Variants in DSCAML1 observed in about 807,000 individuals in gnomAD.
The protein encoded by DSCAML1 is DS cell adhesion molecule like 1, also known as cell adhesion molecule DSCAML1.
A neutral mutation model predicts 200.5 loss-of-function variants in DSCAML1; 38 were observed. The observed-to-expected ratio is 0.19, with a 90% CI of 0.15 to 0.25. The LOEUF is 0.25. Among genes scored for constraint, DSCAML1 ranks in the 10% least tolerant of loss-of-function variants. The pLI is 1.00. For missense variants in DSCAML1, 2,223 were observed against 2,858.8 expected, an observed-to-expected ratio of 0.78 and a Z score of 5.07; for synonymous variants, 1,215 against 1,165.0, an observed-to-expected ratio of 1.04 and a Z score of -0.87.
intron 3 of DSCAML1, among the ~76,000 whole-genome samples, chr11:117,710,620 G>A (rs2053830309): frequency 6.6e-6 from 1 of 152,188 alleles, no homozygotes; most frequent in Non-Finnish European, 1.5e-5. Flanking sequence ...CCGTGACTCA[G>A]TTTCCCCATC....
intron 3 of DSCAML1, among the ~76,000 whole-genome samples, chr11:117,607,799 C>T (rs570031257): frequency 3.3e-4 from 50 of 152,294 alleles, no homozygotes; most frequent in African/African-American, 1.1e-3. Flanking sequence ...CCCAACGCCA[C>T]GGGGATGGAT....
At chr11:117,815,941 G>C (rs977388569) in intron 1 of DSCAML1, among the ~76,000 whole-genome samples, 1 of 151,936 alleles carries the variant, frequency 6.6e-6, no homozygotes, top group Admixed American at 6.5e-5. Flanking sequence ...ACGGGTTGGG[G>C]AGCTGCCACT....
chr11:117,790,120 C>T (rs2055433234), intron 1 of DSCAML1, among the ~76,000 whole-genome samples: 1 of 152,216 alleles, frequency 6.6e-6, no homozygotes, highest in Admixed American at 6.5e-5. Context: ...GGGTGTCCAC[C>T]AGTCTCGACT....
chr11:117,812,371 C>G (rs1025829379), intron 1 of DSCAML1, among the ~76,000 whole-genome samples: 1 of 152,126 alleles, frequency 6.6e-6, no homozygotes, highest in Non-Finnish European at 1.5e-5. Context: ...TTTACCTGTC[C>G]TAAAACCAGA....
chr11:117,613,313 A>T (rs1271762373), intron 3 of DSCAML1, among the ~76,000 whole-genome samples: 1 of 152,098 alleles, frequency 6.6e-6, no homozygotes, highest in Non-Finnish European at 1.5e-5. Context: ...AATAGTAAAG[A>T]CATGGTAGGA....
chr11:117,751,572 G>A (rs574635322), intron 3 of DSCAML1, among the ~76,000 whole-genome samples: 1 of 152,014 alleles, frequency 6.6e-6, no homozygotes, highest in Non-Finnish European at 1.5e-5. Flanking sequence ...GAAGGCACCA[G>A]CTCTTTGGGA....
At chr11:117,731,256 C>T (rs1240076348) in intron 3 of DSCAML1, among the ~76,000 whole-genome samples, 3 of 152,088 alleles carry the variant, frequency 2.0e-5, no homozygotes, top group Admixed American at 1.3e-4. Flanking sequence ...TCTTAGCAAG[C>T]CAAGTGCAAT....
chr11:117,608,073 C>T (rs1591317220), intron 3 of DSCAML1, among the ~76,000 whole-genome samples: 1 of 152,192 alleles, frequency 6.6e-6, no homozygotes, highest in African/African-American at 2.4e-5. Context: ...TGACCCATGA[C>T]ATGTGTCTTG....
Position 117,659,184 on chromosome 11 carries a change from G to A in DSCAML1, c.511+117607C>T, listed in dbSNP as rs180987590. ...AAGGGGCTAGTTTTTGGAAGACGGT[G>A]TTTCTTTTGTGCTTAATTTATTTTC... On this transcript the variant is annotated intron_variant, in intron 3 of 32. Transcript: ENST00000651296. 3.4e-4 allele frequency among the ~76,000 whole-genome samples: 52 copies of A among 152,324 alleles called. No homozygotes were observed. The East Asian group carries it at 9.6e-3, about 28-fold the overall frequency.
At chr11:117,677,288 G>A (rs1004666316) in intron 3 of DSCAML1, among the ~76,000 whole-genome samples, 1 of 152,184 alleles carries the variant, frequency 6.6e-6, no homozygotes, top group South Asian at 2.1e-4. Flanking sequence ...GGGGTCGGGG[G>A]CTGGTTCTGA....
chr11:117,780,280 GAA>G lies in DSCAML1; in HGVS notation c.364+211_364+212del, dbSNP rs1334789799. 7.3e-5 allele frequency among the ~76,000 whole-genome samples: 7 copies of G among 96,466 alleles called. No individual in the cohort carries two copies. In the East Asian group the frequency reaches 1.9e-3, roughly 26 times the overall value. The allele number at this position is 96,466 out of a possible 152,430, so 63.3% of individuals were successfully genotyped here. Reference sequence around the variant, plus strand: ...AGAAAGAAAGAAAGAAAGAAAGAAAGAAAGAAAGAAAGAAAGAAAGAAAGAGA... The same window carrying G: ...AGAAAGAAAGAAAGAAAGAAAGAAAGAGAAAGAAAGAAAGAAAGAAAGAGA... On this transcript the variant is annotated intron_variant, in intron 2 of 32. Coordinates refer to ENST00000651296, the MANE Select transcript of DSCAML1 (RefSeq NM_020693.4). This position sits in a 1 kb window ranked among gnomAD's most constrained non-coding sequence, Gnocchi z 4.8.
At chr11:117,778,513 AT>A (rs1198956035) in intron 2 of DSCAML1, among the ~76,000 whole-genome samples, 1 of 152,184 alleles carries the variant, frequency 6.6e-6, no homozygotes, top group Non-Finnish European at 1.5e-5. Flanking sequence ...CAGTTTCTTC[AT>A]TTATGAAAGG....
At chr11:117,735,771 G>A (rs1388765887) in intron 3 of DSCAML1, among the ~76,000 whole-genome samples, 1 of 152,282 alleles carries the variant, frequency 6.6e-6, no homozygotes, top group African/African-American at 2.4e-5. Context: ...TCACTGTCAC[G>A]ACCAGGAGAC....
intron 17 of DSCAML1, among the ~76,000 whole-genome samples, chr11:117,464,667 C>A (rs929188912): frequency 2.0e-5 from 3 of 152,120 alleles, no homozygotes; most frequent in African/African-American, 7.2e-5. Flanking sequence ...GACAGGTGGA[C>A]AGACAAGTGC....
intron 3 of DSCAML1, among the ~76,000 whole-genome samples, chr11:117,650,045 C>A (rs2052597673): frequency 6.6e-6 from 1 of 152,228 alleles, no homozygotes; most frequent in South Asian, 2.1e-4. Context: ...AGGCCACTAA[C>A]TGGGTTTCAG....
chr11:117,437,279 C>T lies in DSCAML1; in HGVS notation c.4563G>A (p.Gly1521=), dbSNP rs1006626486. 1.9e-6 allele frequency: 3 copies of T among 1,614,274 alleles called. No individual in the cohort carries two copies. Among genetic ancestry groups the T allele is most frequent in the South Asian group, 1.1e-5 (1 of 91,090 alleles). ...TAIVLEYRPK[G]TWAWQGLRAN... is the part of the protein sequence containing the mutation. ...CCCGGAGGCCCTGCCAGGCCCAGGT[C>T]CCCTTGGGCCGGTACTCCAGAACGA... Residue 1521 remains glycine (G), a synonymous_variant, in exon 26 of 33, where the codon GGG becomes GGA. Transcript: ENST00000651296. The surrounding 1 kb of genome is among the most constrained non-coding windows in gnomAD (Gnocchi z 5.3).
At chr11:117,727,518 C>T (rs772863767) in intron 3 of DSCAML1, among the ~76,000 whole-genome samples, 5 of 152,146 alleles carry the variant, frequency 3.3e-5, no homozygotes, top group Non-Finnish European at 7.3e-5. Context: ...TGATGTATTG[C>T]TTTTTAACTT....
Position 117,521,295 on chromosome 11 carries a change from G to A in DSCAML1, c.1048C>T (p.Arg350Cys), listed in dbSNP as rs1260152977. The A allele has an allele frequency of 9.9e-6, 16 of 1,614,090 alleles. No homozygotes were observed. Among genetic ancestry groups the A allele is most frequent in the Non-Finnish European group, 1.3e-5 (15 of 1,180,034 alleles). The stretch of plus-strand genomic sequence containing the variant: ...TCAGGCAGCACCAGCTCCGTGTTGC[G>A]ATACCAGCGGATGGTGAACTCTGGG... ...GSPEFTIRWY[R>C]NTELVLPDEA... Residue 350 changes from arginine to cysteine, a missense_variant, in exon 6 of 33, where the codon CGC becomes TGC. Physicochemically the swap from Arg to Cys is radical, Grantham distance 180 (BLOSUM62 -3). This residue lies in a region of DSCAML1 where 579 missense variants were observed against 721.5 expected (regional missense o/e 0.80). Transcript: ENST00000651296.
intron 5 of DSCAML1, among the ~76,000 whole-genome samples, chr11:117,521,763 G>C (rs201284140): frequency 7.1e-5 from 6 of 84,318 alleles, no homozygotes; most frequent in Admixed American, 4.4e-4. Flanking sequence ...CTCAGAAACC[G>C]GGGGGGGCAC....
Sources: gnomAD v4.1 joint callset for allele counts (sites outside exome capture counted in the v4.1 genomes callset) on GRCh38, gnomAD v4.1.1 for gene constraint, gnomAD v4.1.1 regional missense constraint, Gnocchi (gnomAD v3.1) non-coding constraint, MANE v1.5 for transcripts, NCBI Gene and HGNC (gene_info 2026-07-23, HGNC 2026-07-21) for gene names.